Variants in FAM13C observed in about 807,000 individuals in gnomAD.
FAM13C encodes the protein family with sequence similarity 13 member C, also known as protein FAM13C.
A neutral mutation model predicts 73.2 loss-of-function variants in FAM13C; 37 were observed. That is an observed-to-expected ratio of 0.51 (90% CI 0.39 to 0.67). FAM13C has a LOEUF of 0.67. FAM13C is among the 30% of genes least tolerant of loss of function. FAM13C has a pLI of 0.00. For missense variants in FAM13C, 589 were observed against 715.6 expected (o/e 0.82, Z 2.02); for synonymous variants, 246 against 260.9 (o/e 0.94, Z 0.55).
chr10:59,362,381 A>G lies in FAM13C; in HGVS notation c.62+18T>C, dbSNP rs1385281267. The G allele has an allele frequency of 1.2e-6, 2 of 1,613,254 alleles. No homozygotes were observed. Among genetic ancestry groups the G allele is most frequent in the Non-Finnish European group, 1.7e-6 (2 of 1,179,668 alleles). ...AGAAAGGCATGCAAGTCTAATTTTA[A>G]TGGTAAGAATCACTTACTCTGTTAC... On this transcript the variant is annotated intron_variant, in intron 1 of 13. Coordinates refer to ENST00000618804, the MANE Select transcript of FAM13C (RefSeq NM_198215.4).
intron 5 of FAM13C, among the ~76,000 whole-genome samples, chr10:59,298,088 C>G (rs1475973170): frequency 1.3e-5 from 2 of 152,246 alleles, no homozygotes; most frequent in African/African-American, 4.8e-5. Flanking sequence ...ACACATCTCT[C>G]TTGGGTAAAC....
chr10:59,281,664 C>G (rs575123237), intron 6 of FAM13C, among the ~76,000 whole-genome samples: 9 of 152,180 alleles, frequency 5.9e-5, no homozygotes, highest in Non-Finnish European at 1.2e-4. Context: ...TACATAAACC[C>G]TGTATTTATT....
Position 59,308,365 on chromosome 10 carries a change from A to T in FAM13C, c.444-5501T>A, listed in dbSNP as rs566327938. 1.1e-4 allele frequency among the ~76,000 whole-genome samples: 17 copies of T among 151,718 alleles called. No homozygotes were observed. In the East Asian group the frequency reaches 3.3e-3, roughly 30 times the overall value. On this transcript the variant is annotated intron_variant, in intron 4 of 13. Coordinates refer to ENST00000618804, the MANE Select transcript of FAM13C (RefSeq NM_198215.4). ...ACCAACATCATCACCCACCACCACCACTACCACCACCACCATTACCACCAC... is the reference window on the plus strand; with the variant it reads ...ACCAACATCATCACCCACCACCACCTCTACCACCACCACCATTACCACCAC...
chr10:59,318,865 G>A (rs1285017755), intron 4 of FAM13C, among the ~76,000 whole-genome samples: 3 of 151,912 alleles, frequency 2.0e-5, no homozygotes, highest in African/African-American at 7.3e-5. Context: ...AAAACCCTAG[G>A]AGCACACTAA....
At chr10:59,255,696 A>C (rs1841887104) in intron 10 of FAM13C, among the ~76,000 whole-genome samples, 1 of 152,152 alleles carries the variant, frequency 6.6e-6, no homozygotes, top group Non-Finnish European at 1.5e-5. Flanking sequence ...TCTCCCTTGA[A>C]AGAAAAGAAA....
At chr10:59,352,521 A>G in intron 2 of FAM13C, 47 bp from the exon 3 acceptor site, 3 of 1,508,600 alleles carry the variant, frequency 2.0e-6, no homozygotes, top group Non-Finnish European at 1.8e-6. Flanking sequence ...AAAAAAGATG[A>G]ATAAACTGCT....
At chr10:59,349,761 T>G (rs575175101) in intron 3 of FAM13C, among the ~76,000 whole-genome samples, 1 of 152,298 alleles carries the variant, frequency 6.6e-6, no homozygotes. Flanking sequence ...AAATTTTGTC[T>G]CAAATAATAA....
intron 4 of FAM13C, among the ~76,000 whole-genome samples, chr10:59,315,725 G>A (rs1476451228): frequency 6.6e-6 from 1 of 152,160 alleles, no homozygotes; most frequent in Non-Finnish European, 1.5e-5. Flanking sequence ...ATGAAGGCTA[G>A]TGGATGAAAC....
upstream of FAM13C, chr10:59,362,873 T>G: frequency 4.6e-6 from 1 of 217,196 alleles, no homozygotes; most frequent in Non-Finnish European, 8.9e-6. Context: ...CCGGGAGACT[T>G]GCTTTCTTCC....
intron 4 of FAM13C, among the ~76,000 whole-genome samples, chr10:59,309,898 T>C (rs1848725006): frequency 6.6e-6 from 1 of 152,138 alleles, no homozygotes; most frequent in African/African-American, 2.4e-5. Flanking sequence ...TGCCAATTCT[T>C]ATATATTTCT....
Position 59,352,292 on chromosome 10 carries a change from C to T in FAM13C, c.302G>A (p.Gly101Glu), listed in dbSNP as rs1387523008. ...TACCTGACTTTCTCCGTGGCTCCTC[C>T]CGCTCTCCGCTTTGAAGATGGACTT... ...KPKSIFKAESGRSHGESQETE... is the reference protein window; with the variant it reads ...KPKSIFKAESERSHGESQETE... Residue 101 changes from glycine to glutamate, a missense_variant, in exon 3 of 14, where the codon GGG (glycine) becomes GAG (glutamate). Physicochemically the swap from Gly to Glu is moderately conservative, Grantham distance 98. Transcript: ENST00000618804. 1.2e-6 allele frequency: 2 copies of T among 1,613,918 alleles called. No individual in the cohort carries two copies. Among genetic ancestry groups the T allele is most frequent in the Non-Finnish European group, 1.7e-6 (2 of 1,180,012 alleles).
chr10:59,255,085 C>CATGT (rs1436699703), intron 10 of FAM13C, among the ~76,000 whole-genome samples: 2 of 152,124 alleles, frequency 1.3e-5, no homozygotes, highest in Non-Finnish European at 2.9e-5. Flanking sequence ...TCTTCTGAAA[C>CATGT]ATGTATTTTA....
intron 3 of FAM13C, among the ~76,000 whole-genome samples, chr10:59,342,352 GT>G (rs1450833999): frequency 2.4e-5 from 1 of 42,064 alleles, no homozygotes; most frequent in Non-Finnish European, 4.5e-5. Context: ...ACCCTTTAAA[GT>G]TTGAACTAAA....
At position 59,270,058 on chromosome 10, in the gene FAM13C, T is replaced by C; in HGVS notation, c.644A>G (p.Glu215Gly). ...DGQNEADSAP[E>G]DLHSVGTSRL... is the part of the protein sequence containing the mutation. ...GCTGGTCCCCACAGAGTGGAGGTCT[T>C]CTGGTGCACTGTCGGCCTCATTCTG... Residue 215 changes from glutamate (E) to glycine (G), a missense_variant, in exon 7 of 14, where the codon GAA becomes GGA. Coordinates refer to ENST00000618804, the MANE Select transcript of FAM13C (RefSeq NM_198215.4). The C allele has an allele frequency of 6.2e-7, 1 of 1,613,712 alleles. No homozygotes were observed. The highest frequency in any genetic ancestry group is 8.5e-7 in the Non-Finnish European group (1 of 1,179,798).
rs1651443617 is a variant in FAM13C, at chr10:59,294,114, T to G, written c.507+8687A>C. On this transcript the variant is annotated intron_variant, in intron 5 of 13. Transcript: ENST00000618804. The stretch of plus-strand genomic sequence containing the variant: ...CAATTTCTAAGTGAAAGGTTGTTCA[T>G]GGACTTTATAAAAAAACTCACTATA... 2.6e-5 allele frequency among the ~76,000 whole-genome samples: 4 copies of G among 152,200 alleles called. No individual in the cohort carries two copies. The South Asian group carries it at 8.3e-4, about 31-fold the overall frequency.
In FAM13C at chr10:59,254,332, A is replaced by C; in HGVS notation, c.1332+16T>G. 6.6e-7 allele frequency: 1 copy of C among 1,505,154 alleles called. No homozygotes were observed. The allele number at this position is 1,505,154 out of a possible 1,614,324, so 93.2% of individuals were successfully genotyped here. A position where few individuals can be genotyped will look rare whatever the true frequency, so the allele number is the denominator to read the frequency against. ...ACATCAGTACAAAGTAACAGCATGC[A>C]AGTATCCTGACTTACAATTGTTGGA... is the stretch of plus-strand genomic sequence containing the variant. On this transcript the variant is annotated intron_variant, in intron 11 of 13. Coordinates refer to ENST00000618804, the MANE Select transcript of FAM13C (RefSeq NM_198215.4).
At chr10:59,248,828 T>G (rs1229887851) in intron 13 of FAM13C, among the ~76,000 whole-genome samples, 5 of 152,200 alleles carry the variant, frequency 3.3e-5, no homozygotes, top group Non-Finnish European at 7.3e-5. Flanking sequence ...AGTATCTACT[T>G]GTATTTCAAC....
chr10:59,306,307 T>C (rs532946899), intron 4 of FAM13C, among the ~76,000 whole-genome samples: 1 of 152,178 alleles, frequency 6.6e-6, no homozygotes, highest in Non-Finnish European at 1.5e-5. Context: ...ACTCACATGA[T>C]CTTCCAAGGA....
chr10:59,293,201 G>C (rs1345483117), intron 5 of FAM13C, among the ~76,000 whole-genome samples: 1 of 149,574 alleles, frequency 6.7e-6, no homozygotes, highest in East Asian at 2.0e-4. Flanking sequence ...AGCCTCCTGA[G>C]TAGCTGGGAC....
Sources: gnomAD v4.1 joint callset for allele counts (sites outside exome capture counted in the v4.1 genomes callset) on GRCh38, gnomAD v4.1.1 for gene constraint, MANE v1.5 for transcripts, NCBI Gene and HGNC (gene_info 2026-07-23, HGNC 2026-07-21) for gene names.